AMPH: variants seen among roughly 807,000 people sequenced by gnomAD.
AMPH encodes amphiphysin (Stiff-Mann syndrome with breast cancer 128kD autoantigen).
Under a neutral mutation model 99.1 loss-of-function variants are expected in AMPH, and 49 were observed. The ratio of observed to expected loss-of-function variants is 0.49; its 90% confidence interval spans 0.39 to 0.63. The LOEUF (loss-of-function observed/expected upper bound fraction) is 0.63. Among genes scored for constraint, AMPH ranks in the 20% least tolerant of loss-of-function variants. The probability of loss-of-function intolerance (pLI) is 0.00; values close to 1 mark genes in which losing one functional copy is unlikely to be tolerated. For missense variants in AMPH, 759 were observed against 863.4 expected, an observed-to-expected ratio of 0.88 and a Z score of 1.52; for synonymous variants, 314 against 317.3, an observed-to-expected ratio of 0.99 and a Z score of 0.11.
At chr7:38,388,032 T>G (rs1861240) in intron 20 of AMPH, among the ~76,000 whole-genome samples, 92,646 of 151,632 alleles carry the variant, frequency 0.61, 29,539 homozygotes, top group Non-Finnish European at 0.7. Flanking sequence ...AAATTAAGAA[T>G]AATAAAGACA....
intron 5 of AMPH, among the ~76,000 whole-genome samples, chr7:38,486,515 G>C (rs1788499869): frequency 6.6e-6 from 1 of 151,938 alleles, no homozygotes; most frequent in Non-Finnish European, 1.5e-5. Context: ...ATTTAAAAAA[G>C]AATTAATGCC....
chr7:38,488,822 C>A (rs1401600206), intron 5 of AMPH, among the ~76,000 whole-genome samples: 1 of 151,930 alleles, frequency 6.6e-6, no homozygotes, highest in African/African-American at 2.4e-5. Context: ...GAAAACTATA[C>A]AATATTCAAA....
chr7:38,407,978 T>A (rs1249404651), intron 17 of AMPH, among the ~76,000 whole-genome samples: 1 of 152,238 alleles, frequency 6.6e-6, no homozygotes, highest in Non-Finnish European at 1.5e-5. Flanking sequence ...TTTTCCAGAC[T>A]GTATCTCAGG....
chr7:38,386,501 C>A (rs1428644775), intron 20 of AMPH, among the ~76,000 whole-genome samples: 2 of 152,122 alleles, frequency 1.3e-5, no homozygotes, highest in African/African-American at 4.8e-5. Context: ...CAACATCAAT[C>A]TTTAGCTGAG....
intron 11 of AMPH, among the ~76,000 whole-genome samples, chr7:38,447,244 C>T (rs934716189): frequency 1.3e-5 from 2 of 152,142 alleles, no homozygotes; most frequent in South Asian, 2.1e-4. Flanking sequence ...GTCTTGAACT[C>T]CCAATCTCAG....
At chr7:38,407,209 ATATC>A (rs1286032310) in intron 17 of AMPH, among the ~76,000 whole-genome samples, 4 of 146,314 alleles carry the variant, frequency 2.7e-5, no homozygotes, top group African/African-American at 1.0e-4. Context: ...CCCTCTCTCT[ATATC>A]TATCTATAGA....
chr7:38,596,206 T>A (rs760947149), intron 1 of AMPH, among the ~76,000 whole-genome samples: 88 of 152,286 alleles, frequency 5.8e-4, no homozygotes, highest in Non-Finnish European at 8.8e-4. Context: ...GTGAAAGGTT[T>A]GAAAGTGGCC....
At chr7:38,577,192 C>A (rs983875416) in intron 1 of AMPH, among the ~76,000 whole-genome samples, 4 of 152,140 alleles carry the variant, frequency 2.6e-5, no homozygotes, top group African/African-American at 9.7e-5. Context: ...CATCCAAAAA[C>A]TAATTTGGAA....
intron 1 of AMPH, among the ~76,000 whole-genome samples, chr7:38,594,659 T>A (rs1020818626): frequency 2.6e-5 from 4 of 152,114 alleles, no homozygotes; most frequent in African/African-American, 9.7e-5. Flanking sequence ...TATTACCACA[T>A]TTTCATATTT....
At chr7:38,390,264 AAAT>A (rs762265534) in intron 19 of AMPH, among the ~76,000 whole-genome samples, 2 of 152,224 alleles carry the variant, frequency 1.3e-5, no homozygotes, top group Non-Finnish European at 2.9e-5. Flanking sequence ...AGCTTCTGTC[AAAT>A]AATAATAAGG....
At chr7:38,541,872 C>T (rs79926626) in intron 1 of AMPH, among the ~76,000 whole-genome samples, 2,046 of 152,246 alleles carry the variant, frequency 0.013, 23 homozygotes, top group Non-Finnish European at 0.021. Flanking sequence ...AAAATTTAGT[C>T]CCTAGATGGG....
intron 19 of AMPH, among the ~76,000 whole-genome samples, chr7:38,391,249 C>T (rs1332008668): frequency 2.6e-5 from 4 of 152,114 alleles, no homozygotes; most frequent in Admixed American, 6.5e-5. Context: ...TTAACTTAGC[C>T]GCCTTTTTTT....
chr7:38,611,538 C>T (rs1391323302), intron 1 of AMPH, among the ~76,000 whole-genome samples: 1 of 152,162 alleles, frequency 6.6e-6, no homozygotes, highest in Non-Finnish European at 1.5e-5. Flanking sequence ...ATTTGTTCTC[C>T]AAGATTGTGA....
At chr7:38,474,209 G>A (rs1788000489) in intron 7 of AMPH, among the ~76,000 whole-genome samples, 1 of 151,834 alleles carries the variant, frequency 6.6e-6, no homozygotes, top group South Asian at 2.1e-4. Context: ...CAATTGCAAA[G>A]CTTTGAGGTT....
intron 11 of AMPH, among the ~76,000 whole-genome samples, chr7:38,454,936 A>G (rs1397675925): frequency 2.0e-5 from 3 of 151,846 alleles, no homozygotes; most frequent in African/African-American, 7.3e-5. Context: ...TTAAGTAGAA[A>G]GGTCAGAAAT....
chr7:38,437,468 C>T (rs912562254), intron 11 of AMPH, among the ~76,000 whole-genome samples: 57 of 151,712 alleles, frequency 3.8e-4, no homozygotes, highest in African/African-American at 1.1e-3. Flanking sequence ...TCATCACAGA[C>T]ATTAAAAACT....
intron 16 of AMPH, among the ~76,000 whole-genome samples, chr7:38,419,376 A>G (rs561620813): frequency 4.0e-5 from 4 of 101,134 alleles, no homozygotes; most frequent in African/African-American, 1.4e-4. Flanking sequence ...CCAGGATCAC[A>G]CGACTATTCT....
At chr7:38,627,856 T>C (rs1463347966) in intron 1 of AMPH, among the ~76,000 whole-genome samples, 1 of 152,144 alleles carries the variant, frequency 6.6e-6, no homozygotes. Flanking sequence ...TTATTATTAT[T>C]AGCAATTAAA....
chr7:38,567,183 T>A (rs1584253266), intron 1 of AMPH, among the ~76,000 whole-genome samples: 1 of 152,174 alleles, frequency 6.6e-6, no homozygotes, highest in East Asian at 1.9e-4. Flanking sequence ...ATGTGGCACA[T>A]ATATACCATG....
Sources: gnomAD v4.1 joint callset for allele counts (sites outside exome capture counted in the v4.1 genomes callset) on GRCh38, gnomAD v4.1.1 for gene constraint, MANE v1.5 for transcripts, NCBI Gene and HGNC (gene_info 2026-07-23, HGNC 2026-07-21) for gene names.